DOCK8: variants seen among roughly 807,000 people sequenced by gnomAD.
The protein encoded by DOCK8 is dedicator of cytokinesis protein 8.
A neutral mutation model predicts 245.6 loss-of-function variants in DOCK8; 141 were observed. That is an observed-to-expected ratio of 0.57 (90% CI 0.50 to 0.66). DOCK8 has a LOEUF of 0.66. Ranked by LOEUF, DOCK8 falls within the 30% of genes least tolerant of loss-of-function variation. DOCK8 has a pLI of 0.00. For synonymous variants in DOCK8, 1,168 were observed against 970.2 expected, an observed-to-expected ratio of 1.20 and a Z score of -3.79; for missense variants, 2,965 against 2,603.4, an observed-to-expected ratio of 1.14 and a Z score of -3.02.
intron 4 of DOCK8, among the ~76,000 whole-genome samples, chr9:302,469 G>A (rs1330906943): frequency 6.6e-6 from 1 of 152,144 alleles, no homozygotes; most frequent in African/African-American, 2.4e-5. Flanking sequence ...GTCCCCAAAA[G>A]CAATGGTAAC....
intron 12 of DOCK8, among the ~76,000 whole-genome samples, chr9:337,424 A>G (rs1030564525): frequency 3.9e-5 from 6 of 152,130 alleles, no homozygotes; most frequent in Non-Finnish European, 5.9e-5. Context: ...TGTGATACCA[A>G]CTATCCTATT....
chr9:340,339 G>A lies in DOCK8; in HGVS notation c.1679+18G>A, dbSNP rs75894443. The A allele has an allele frequency of 2.4e-3, 3,833 of 1,613,700 alleles. 64 individuals are homozygous for A. The African/African-American group carries it at 0.036, about 15-fold the overall frequency. ...GTGTACAGGTAAGAAACACAGGCTC[G>A]GGCTGGGCGTGGTGGCTTACACCAT... On this transcript the variant is annotated intron_variant, in intron 14 of 47. Transcript: ENST00000432829.
intron 14 of DOCK8, chr9:365,649 G>T (rs761440569): frequency 6.6e-6 from 3 of 454,344 alleles, no homozygotes; most frequent in African/African-American, 4.0e-5. Context: ...CTTTGAGGTC[G>T]ATGCAATTAT....
At chr9:355,319 T>G (rs1351894318) in intron 14 of DOCK8, among the ~76,000 whole-genome samples, 1 of 150,856 alleles carries the variant, frequency 6.6e-6, no homozygotes, top group Non-Finnish European at 1.5e-5. Flanking sequence ...TTCCCCTGCC[T>G]TAGCCTCCTG....
At chr9:341,668 T>G (rs2051596827) in intron 14 of DOCK8, among the ~76,000 whole-genome samples, 1 of 152,234 alleles carries the variant, frequency 6.6e-6, no homozygotes, top group African/African-American at 2.4e-5. Flanking sequence ...ATCTTCATAT[T>G]CATTTAAAAT....
Position 446,455 on chromosome 9 carries a change from A to G in DOCK8, c.5666A>G (p.Asn1889Ser), listed in dbSNP as rs759125614. ...GTCACATACTTTGAGAAGAATTTCA[A>G]CCTCCGGAGGTTCATGTACACCACC... ...DRVTYFEKNF[N>S]LRRFMYTTPF... The change falls in exon 44 of 48, where the codon AAC (asparagine) becomes AGC (serine). Residue 1889 changes from asparagine (N) to serine (S), a missense_variant. By Grantham distance (46) the Asn-to-Ser change is conservative. This residue lies in a region of DOCK8 where 2,825 missense variants were observed against 2,453.5 expected (regional missense o/e 1.15). Coordinates refer to ENST00000432829, the MANE Select transcript of DOCK8 (RefSeq NM_203447.4). 43 of 1,613,922 alleles carry G rather than the reference A, an allele frequency of 2.7e-5. No homozygotes were observed. Among genetic ancestry groups the G allele is most frequent in the Non-Finnish European group, 3.4e-5 (40 of 1,180,014 alleles).
intron 39 of DOCK8, 58 bp downstream of exon 39, chr9:435,033 C>A (rs374741005): frequency 2.5e-6 from 4 of 1,590,146 alleles, no homozygotes; most frequent in African/African-American, 1.3e-5. Flanking sequence ...GCGATTTTGT[C>A]CCCCAGCCCC....
At chr9:463,764 C>G (rs757268424) in intron 47 of DOCK8, 77 bp downstream of exon 47, 2 of 1,557,754 alleles carry the variant, frequency 1.3e-6, no homozygotes, top group Non-Finnish European at 1.8e-6. Flanking sequence ...GGGGCATGCT[C>G]TGCTGCACTT....
At chr9:422,826 A>C (rs2056328926) in intron 33 of DOCK8, among the ~76,000 whole-genome samples, 1 of 152,114 alleles carries the variant, frequency 6.6e-6, no homozygotes, top group South Asian at 2.1e-4. Flanking sequence ...CTCTACAAAA[A>C]ATAGAAAAAT....
Position 307,338 on chromosome 9 carries a change from G to GTTTTTTTTT in DOCK8, c.528+2664_528+2672dup, listed in dbSNP as rs1165775428. On this transcript the variant is annotated intron_variant, in intron 5 of 47. Transcript: ENST00000432829. ...CACTGTGTTGTGTGTGGTTTTTTTT[G>GTTTTTTTTT]TTTTTTTTTTTTTTTTTTTTTTTTT... Among the ~76,000 whole-genome samples the GTTTTTTTTT allele has an allele frequency of 1.9e-3, 98 of 51,148 alleles. 7 individuals are homozygous for GTTTTTTTTT. Among genetic ancestry groups the GTTTTTTTTT allele is most frequent in the Non-Finnish European group, 2.4e-3 (55 of 23,210 alleles). 33.6% of individuals were successfully genotyped at this position (51,148 alleles called of 152,430 possible). A position where few individuals can be genotyped will look rare whatever the true frequency, so the allele number is the denominator to read the frequency against.
intron 29 of DOCK8, among the ~76,000 whole-genome samples, chr9:415,677 CGT>C (rs2055965498): frequency 6.7e-6 from 1 of 149,976 alleles, no homozygotes; most frequent in Non-Finnish European, 1.5e-5. Context: ...TGTGTGTGCA[CGT>C]GTGTGCGCGC....
rs1032919294 is a variant in DOCK8, at chr9:334,523, T to G, written c.1285+139T>G. ...GAAGGAGATAAATAGAATGAAACAC[T>G]GTTATGACTGGATTACGTAGATTTG... On this transcript the variant is annotated intron_variant, in intron 11 of 47. Coordinates refer to ENST00000432829, the MANE Select transcript of DOCK8 (RefSeq NM_203447.4). 4.6e-6 allele frequency: 4 copies of G among 878,126 alleles called. No homozygotes were observed. In the African/African-American group the frequency reaches 6.7e-5, roughly 15 times the overall value. 54.4% of individuals were successfully genotyped at this position (878,126 alleles called of 1,614,324 possible). A position where few individuals can be genotyped will look rare whatever the true frequency, so the allele number is the denominator to read the frequency against.
chr9:390,579 C>G lies in DOCK8; in HGVS notation c.2970+13C>G, dbSNP rs370673256. The stretch of plus-strand genomic sequence containing the variant: ...CTTTGAGCTTCTGGTGAGATTCTTG[C>G]GCGTTTGTATCTGTGCTCAATAGGC... On this transcript the variant is annotated intron_variant, in intron 24 of 47. Coordinates refer to ENST00000432829, the MANE Select transcript of DOCK8 (RefSeq NM_203447.4). 1 of 1,611,492 alleles carries G rather than the reference C, an allele frequency of 6.2e-7. No homozygotes were observed. The highest frequency in any genetic ancestry group is 8.5e-7 in the Non-Finnish European group (1 of 1,177,680).
chr9:280,005 G>C (rs2048510763), intron 2 of DOCK8, among the ~76,000 whole-genome samples: 1 of 152,164 alleles, frequency 6.6e-6, no homozygotes, highest in Non-Finnish European at 1.5e-5. Flanking sequence ...CACTGTGTTA[G>C]GAGCTATGTA....
At chr9:412,685 A>G (rs2055798529) in intron 28 of DOCK8, among the ~76,000 whole-genome samples, 1 of 152,178 alleles carries the variant, frequency 6.6e-6, no homozygotes. Flanking sequence ...AAGAAAAAAT[A>G]TTTAGGAATA....
chr9:343,579 G>A (rs1220306224), intron 14 of DOCK8, among the ~76,000 whole-genome samples: 2 of 152,116 alleles, frequency 1.3e-5, no homozygotes, highest in Non-Finnish European at 2.9e-5. Flanking sequence ...ACAGTATTCA[G>A]GAGGTATACA....
chr9:312,199 C>A (rs377273610), intron 6 of DOCK8, 33 bp downstream of exon 6: 1 of 1,608,536 alleles, frequency 6.2e-7, no homozygotes, highest in Non-Finnish European at 8.5e-7. Flanking sequence ...TGGAGAATCT[C>A]AGTGAAGACT....
At chr9:385,085 C>T (rs2053894848) in intron 22 of DOCK8, among the ~76,000 whole-genome samples, 1 of 152,136 alleles carries the variant, frequency 6.6e-6, no homozygotes, top group South Asian at 2.1e-4. Context: ...TTCCCAAAAG[C>T]TGATTGCTTA....
In DOCK8 at chr9:433,890, T is replaced by C; in HGVS notation, c.4801T>C (p.Cys1601Arg). The C allele has an allele frequency of 6.2e-7, 1 of 1,614,076 alleles. No individual in the cohort carries two copies. Among genetic ancestry groups the C allele is most frequent in the African/African-American group, 1.3e-5 (1 of 75,050 alleles). Reference sequence around the variant, plus strand: ...CTTTTTGCAGGTGGAGGAACTTCTCTGTAATCTGAATAGCATCTTATATGA... The same window carrying C: ...CTTTTTGCAGGTGGAGGAACTTCTCCGTAATCTGAATAGCATCTTATATGA... ...PFPTQVEELLCNLNSILYDTV... is the reference protein window; with the variant it reads ...PFPTQVEELLRNLNSILYDTV... Residue 1601 changes from cysteine to arginine, a missense_variant, in exon 38 of 48, where the codon TGT becomes CGT. By Grantham distance (180) the Cys-to-Arg change is radical (BLOSUM62 -3). Coordinates refer to ENST00000432829, the MANE Select transcript of DOCK8 (RefSeq NM_203447.4).
Sources: allele counts gnomAD v4.1 joint callset (sites outside exome capture counted in the v4.1 genomes callset), GRCh38; gene constraint gnomAD v4.1.1; regional missense constraint gnomAD v4.1.1; transcripts MANE v1.5; gene names NCBI Gene and HGNC (gene_info 2026-07-23, HGNC 2026-07-21).